Variants in RBFOX1 observed in about 807,000 individuals in gnomAD.
The protein encoded by RBFOX1 is RNA binding protein fox-1 homolog 1.
Under a neutral mutation model 57.7 loss-of-function variants are expected in RBFOX1, and 8 were observed. That is an observed-to-expected ratio of 0.14 (90% CI 0.08 to 0.25). The LOEUF (loss-of-function observed/expected upper bound fraction) is 0.25, where lower values mean the gene tolerates loss of function less well. RBFOX1 is among the 10% of genes least tolerant of loss of function. The pLI is 1.00. For synonymous variants in RBFOX1, 326 were observed against 222.4 expected, an observed-to-expected ratio of 1.47 and a Z score of -4.15; for missense variants, 611 against 548.5, an observed-to-expected ratio of 1.11 and a Z score of -1.14.
intron 2 of RBFOX1, among the ~76,000 whole-genome samples, chr16:5,579,460 G>A (rs897516581): frequency 6.6e-6 from 1 of 152,084 alleles, no homozygotes; most frequent in Non-Finnish European, 1.5e-5. Context: ...TGCACTCGTA[G>A]AATCCAGCCC....
intron 2 of RBFOX1, among the ~76,000 whole-genome samples, chr16:6,467,904 A>C: frequency 6.6e-6 from 1 of 152,214 alleles, no homozygotes; most frequent in East Asian, 1.9e-4. Context: ...CTTTGTTGAA[A>C]CTGTAGAATA....
intron 3 of RBFOX1, among the ~76,000 whole-genome samples, chr16:6,719,276 T>C (rs2065455976): frequency 6.6e-6 from 1 of 151,402 alleles, no homozygotes; most frequent in Non-Finnish European, 1.5e-5. Context: ...TAGGATTCAA[T>C]ATTCAACAGA....
chr16:5,362,277 G>A (rs560701830), intron 1 of RBFOX1, among the ~76,000 whole-genome samples: 12 of 152,098 alleles, frequency 7.9e-5, no homozygotes, highest in Admixed American at 3.3e-4. Flanking sequence ...TGCAGCCTCC[G>A]CCTCCTGGGT....
chr16:7,633,347 G>T (rs1299021275), intron 11 of RBFOX1, among the ~76,000 whole-genome samples: 4 of 152,136 alleles, frequency 2.6e-5, no homozygotes, highest in African/African-American at 9.7e-5. Context: ...ATTGTATAAT[G>T]TGCATCCAAC....
intron 3 of RBFOX1, among the ~76,000 whole-genome samples, chr16:6,782,283 T>A (rs73530727): frequency 0.055 from 8,406 of 152,220 alleles, 769 homozygotes; most frequent in African/African-American, 0.19. Context: ...TTGTTTTCCT[T>A]TTTTGATACA....
chr16:5,978,216 A>C (rs2060105868), intron 4 of RBFOX1, among the ~76,000 whole-genome samples: 1 of 139,058 alleles, frequency 7.2e-6, no homozygotes, highest in South Asian at 2.5e-4. Flanking sequence ...CAGGAGGCTG[A>C]GGTGGGAGGA....
chr16:7,702,726 G>T (rs188873464), intron 14 of RBFOX1, among the ~76,000 whole-genome samples: 1 of 152,160 alleles, frequency 6.6e-6, no homozygotes, highest in East Asian at 1.9e-4. Flanking sequence ...TCCAAACACA[G>T]AACACTTGGT....
intron 3 of RBFOX1, among the ~76,000 whole-genome samples, chr16:7,013,720 C>T (rs2093764322): frequency 6.6e-6 from 1 of 152,140 alleles, no homozygotes; most frequent in Non-Finnish European, 1.5e-5. Context: ...TGCACTGGCA[C>T]AATCACTGCT....
intron 3 of RBFOX1, among the ~76,000 whole-genome samples, chr16:6,711,027 C>G (rs1277921814): frequency 6.6e-6 from 1 of 152,206 alleles, no homozygotes; most frequent in East Asian, 1.9e-4. Flanking sequence ...TGAAATGATA[C>G]AATCTGCCTT....
chr16:6,262,471 A>T (rs936887363), intron 1 of RBFOX1, among the ~76,000 whole-genome samples: 4 of 152,076 alleles, frequency 2.6e-5, no homozygotes, highest in Non-Finnish European at 1.5e-5. Context: ...GGAATATGAC[A>T]CTGTTTGCCT....
At chr16:6,358,660 C>G (rs532627453) in intron 2 of RBFOX1, among the ~76,000 whole-genome samples, 2 of 152,314 alleles carry the variant, frequency 1.3e-5, no homozygotes, top group African/African-American at 4.8e-5. Flanking sequence ...ATTCATTTCA[C>G]TTACCCTAAT....
chr16:5,883,447 C>G (rs1175161380), intron 4 of RBFOX1, among the ~76,000 whole-genome samples: 1 of 152,102 alleles, frequency 6.6e-6, no homozygotes, highest in African/African-American at 2.4e-5. Flanking sequence ...AACTATTCAT[C>G]TCTTAGCATT....
intron 2 of RBFOX1, among the ~76,000 whole-genome samples, chr16:6,406,182 A>G (rs1345896127): frequency 1.3e-5 from 2 of 152,204 alleles, no homozygotes; most frequent in African/African-American, 4.8e-5. Context: ...TTTCACTGAA[A>G]CAGAATGCTC....
At chr16:5,666,067 C>A (rs374504600) in intron 3 of RBFOX1, among the ~76,000 whole-genome samples, 1 of 152,248 alleles carries the variant, frequency 6.6e-6, no homozygotes, top group Non-Finnish European at 1.5e-5. Flanking sequence ...AGCTTCTCCA[C>A]GTGTCTAATG....
At chr16:5,348,884 T>C (rs1388140533) in intron 1 of RBFOX1, among the ~76,000 whole-genome samples, 2 of 152,250 alleles carry the variant, frequency 1.3e-5, no homozygotes, top group African/African-American at 2.4e-5. Flanking sequence ...AACTTGGGCA[T>C]GCAGGCATCT....
At chr16:5,593,648 G>T (rs1431561579) in intron 2 of RBFOX1, among the ~76,000 whole-genome samples, 2 of 152,108 alleles carry the variant, frequency 1.3e-5, no homozygotes, top group African/African-American at 4.8e-5. Flanking sequence ...GCGATGTCAG[G>T]AAGTTACCGT....
intron 14 of RBFOX1, among the ~76,000 whole-genome samples, chr16:7,685,076 T>G (rs1396897322): frequency 6.6e-6 from 1 of 152,052 alleles, no homozygotes; most frequent in African/African-American, 2.4e-5. Flanking sequence ...CCTGTGAGAA[T>G]GTAGAATCCC....
chr16:6,525,075 C>T (rs970904288), intron 2 of RBFOX1, among the ~76,000 whole-genome samples: 12 of 152,262 alleles, frequency 7.9e-5, no homozygotes, highest in Non-Finnish European at 1.6e-4. Context: ...ACAGGACATT[C>T]CCTCCCTCCA....
intron 1 of RBFOX1, among the ~76,000 whole-genome samples, chr16:5,352,662 G>A (rs113816519): frequency 1.3e-5 from 2 of 152,154 alleles, no homozygotes; most frequent in Non-Finnish European, 2.9e-5. Context: ...AATACTCTTC[G>A]GTGGTCACGG....
Sources: allele counts gnomAD v4.1 joint callset (sites outside exome capture counted in the v4.1 genomes callset), GRCh38; gene constraint gnomAD v4.1.1; transcripts MANE v1.5; gene names NCBI Gene and HGNC (gene_info 2026-07-23, HGNC 2026-07-21).